ZPBP: variants seen among roughly 807,000 people sequenced by gnomAD.
ZPBP encodes the protein zona pellucida binding protein, also known as zona pellucida-binding protein 1.
ZPBP carries 26 observed loss-of-function variants against 44.8 expected under a neutral mutation model. That is an observed-to-expected ratio of 0.58 (90% CI 0.43 to 0.81). ZPBP has a LOEUF of 0.81. Ranked by LOEUF, ZPBP falls within the 30% of genes least tolerant of loss-of-function variation. ZPBP has a pLI of 0.00. For synonymous variants in ZPBP, 174 were observed against 153.2 expected, an observed-to-expected ratio of 1.14 and a Z score of -1.00; for missense variants, 409 against 434.0, an observed-to-expected ratio of 0.94 and a Z score of 0.51.
intron 3 of ZPBP, among the ~76,000 whole-genome samples, chr7:50,060,993 A>G (rs1041414024): frequency 1.3e-5 from 2 of 152,256 alleles, no homozygotes; most frequent in African/African-American, 4.8e-5. Context: ...CCTGGGATGC[A>G]AGGTTGGTTC....
At chr7:49,965,323 C>T (rs1231429644) in intron 7 of ZPBP, among the ~76,000 whole-genome samples, 1 of 151,870 alleles carries the variant, frequency 6.6e-6, no homozygotes, top group East Asian at 1.9e-4. Flanking sequence ...TCATTGGAAA[C>T]AATCAAAGTG....
intron 5 of ZPBP, among the ~76,000 whole-genome samples, chr7:50,020,590 A>G (rs1236009146): frequency 6.6e-6 from 1 of 152,102 alleles, no homozygotes; most frequent in East Asian, 1.9e-4. Context: ...CTCTTTATTT[A>G]GGCTAGTTGA....
chr7:49,973,312 C>T (rs1484649218), intron 7 of ZPBP, among the ~76,000 whole-genome samples: 1 of 150,674 alleles, frequency 6.6e-6, no homozygotes, highest in Non-Finnish European at 1.5e-5. Flanking sequence ...GATATGGTAA[C>T]AAAACCATAG....
chr7:50,020,473 T>C (rs1799038208), intron 5 of ZPBP, among the ~76,000 whole-genome samples: 1 of 151,986 alleles, frequency 6.6e-6, no homozygotes, highest in Non-Finnish European at 1.5e-5. Context: ...GTATTAATGG[T>C]GTCAACAGGC....
intron 1 of ZPBP, among the ~76,000 whole-genome samples, chr7:49,908,032 A>G (rs1793201052): frequency 6.6e-6 from 1 of 152,236 alleles, no homozygotes; most frequent in Non-Finnish European, 1.5e-5. Flanking sequence ...CACAAAAGAC[A>G]GCCTTGCAGG....
chr7:50,063,103 C>T (rs552137138), intron 3 of ZPBP, among the ~76,000 whole-genome samples: 3 of 152,142 alleles, frequency 2.0e-5, no homozygotes, highest in Admixed American at 6.5e-5. Flanking sequence ...ACATGTTTTA[C>T]GACTGAGTTT....
At chr7:49,995,821 G>A (rs2128791241) in intron 6 of ZPBP, among the ~76,000 whole-genome samples, 1 of 152,272 alleles carries the variant, frequency 6.6e-6, no homozygotes, top group Non-Finnish European at 1.5e-5. Context: ...CGAAAAAGTT[G>A]TTCTCAAGGA....
downstream of ZPBP, among the ~76,000 whole-genome samples, chr7:49,846,520 G>T (rs1206978598): frequency 1.3e-5 from 2 of 152,070 alleles, no homozygotes; most frequent in Non-Finnish European, 2.9e-5. Context: ...TTCCAAATTT[G>T]GCCATGGCCT....
chr7:50,076,159 G>A (rs949393584), intron 3 of ZPBP, among the ~76,000 whole-genome samples: 1 of 151,324 alleles, frequency 6.6e-6, no homozygotes, highest in Non-Finnish European at 1.5e-5. Context: ...AAACATGAAC[G>A]ATCATGTTTT....
chr7:49,890,923 TA>T (rs76976636), intron 2 of ZPBP, among the ~76,000 whole-genome samples: 4 of 150,132 alleles, frequency 2.7e-5, no homozygotes, highest in Admixed American at 6.6e-5. Flanking sequence ...TAAACAGGCA[TA>T]AAAAAAAGGT....
chr7:49,874,604 A>G (rs1467674396), intron 2 of ZPBP, among the ~76,000 whole-genome samples: 1 of 152,162 alleles, frequency 6.6e-6, no homozygotes, highest in Non-Finnish European at 1.5e-5. Context: ...AAAGAGAGAA[A>G]TATAGCTGTT....
chr7:49,865,208 G>C (rs1429087776), intron 2 of ZPBP, among the ~76,000 whole-genome samples: 1 of 152,170 alleles, frequency 6.6e-6, no homozygotes, highest in Non-Finnish European at 1.5e-5. Context: ...TTGTTTGTGT[G>C]GTCCGTGGGG....
At chr7:49,962,162 C>T (rs1009936959) in intron 7 of ZPBP, among the ~76,000 whole-genome samples, 1 of 151,890 alleles carries the variant, frequency 6.6e-6, no homozygotes, top group African/African-American at 2.4e-5. Context: ...AACAGCAGTG[C>T]CCTAATACTA....
At chr7:50,031,815 T>A (rs191890411) in intron 4 of ZPBP, among the ~76,000 whole-genome samples, 2 of 152,142 alleles carry the variant, frequency 1.3e-5, no homozygotes, top group Admixed American at 1.3e-4. Context: ...GAGTACAACA[T>A]CTGGAACTGA....
At chr7:49,890,187 A>C (rs980357165) in intron 2 of ZPBP, among the ~76,000 whole-genome samples, 3 of 152,256 alleles carry the variant, frequency 2.0e-5, no homozygotes, top group Non-Finnish European at 4.4e-5. Context: ...ACAACTGCAT[A>C]AGTAGCAAAA....
chr7:49,959,635 TG>T (rs1355653421), intron 7 of ZPBP, among the ~76,000 whole-genome samples: 4 of 152,174 alleles, frequency 2.6e-5, no homozygotes, highest in African/African-American at 7.2e-5. Flanking sequence ...AGAATCAACA[TG>T]TTCACTATTT....
intron 7 of ZPBP, among the ~76,000 whole-genome samples, chr7:49,972,233 G>A (rs761225985): frequency 2.6e-5 from 4 of 151,344 alleles, no homozygotes; most frequent in Non-Finnish European, 4.4e-5. Flanking sequence ...AATATTGAAA[G>A]TTCTAGCCAG....
chr7:49,986,389 CA>C (rs908425636), intron 6 of ZPBP, among the ~76,000 whole-genome samples: 1 of 152,214 alleles, frequency 6.6e-6, no homozygotes, highest in African/African-American at 2.4e-5. Flanking sequence ...AGCAGCACCC[CA>C]TTCCCCCTTC....
Position 49,983,441 on chromosome 7 carries a change from A to G in ZPBP, c.862T>C (p.Tyr288His). The G allele has an allele frequency of 6.2e-7, 1 of 1,610,688 alleles. No individual in the cohort carries two copies. The highest frequency in any genetic ancestry group is 1.1e-5 in the South Asian group (1 of 90,940). Residue 288 changes from tyrosine to histidine, a missense_variant, in exon 7 of 8, where the codon TAC becomes CAC. By Grantham distance (83) the Tyr-to-His change is moderately conservative. Transcript: ENST00000046087. ...ATTTGGAGAGTACCTTCAATATAGT[A>G]TATTTGAGGTAATTGTTCTGCACGT... is the stretch of plus-strand genomic sequence containing the variant. ...GRRAEQLPQI[Y>H]YIEGTLQMVW... is the part of the protein sequence containing the mutation.
Sources: allele counts gnomAD v4.1 joint callset (sites outside exome capture counted in the v4.1 genomes callset), GRCh38; gene constraint gnomAD v4.1.1; transcripts MANE v1.5; gene names NCBI Gene and HGNC (gene_info 2026-07-23, HGNC 2026-07-21).